Variants in AKAP7 observed in about 807,000 individuals in gnomAD.
The protein encoded by AKAP7 is A kinase (PRKA) anchor protein 7.
AKAP7 carries 39 observed loss-of-function variants against 39.5 expected under a neutral mutation model. That is an observed-to-expected ratio of 0.99 (90% CI 0.76 to 1.29). The LOEUF (loss-of-function observed/expected upper bound fraction) is 1.29. AKAP7 is among the 50% of genes most tolerant of loss of function. The pLI, the probability that AKAP7 is intolerant of heterozygous loss-of-function variation, is 0.00. For synonymous variants in AKAP7, 140 were observed against 139.1 expected, an observed-to-expected ratio of 1.01 and a Z score of -0.05; for missense variants, 414 against 407.7, an observed-to-expected ratio of 1.02 and a Z score of -0.13.
chr6:131,166,516 G>A (rs1416904565), intron 4 of AKAP7, among the ~76,000 whole-genome samples: 1 of 152,196 alleles, frequency 6.6e-6, no homozygotes, highest in Non-Finnish European at 1.5e-5. Flanking sequence ...GATTGAGGGA[G>A]AAGTCTGAAA....
chr6:131,273,395 G>T (rs964497969), intron 7 of AKAP7, among the ~76,000 whole-genome samples: 6 of 151,954 alleles, frequency 3.9e-5, no homozygotes, highest in Non-Finnish European at 1.5e-5. Context: ...TCTGTTCTTT[G>T]CTTCTTTTTC....
At chr6:131,198,655 C>CCAGT (rs1807201062) in intron 5 of AKAP7, among the ~76,000 whole-genome samples, 1 of 152,084 alleles carries the variant, frequency 6.6e-6, no homozygotes, top group South Asian at 2.1e-4. Context: ...GAACAGTATT[C>CCAGT]CTGGGCTCCA....
intron 7 of AKAP7, among the ~76,000 whole-genome samples, chr6:131,248,208 C>T (rs966908399): frequency 2.0e-5 from 3 of 152,142 alleles, no homozygotes; most frequent in African/African-American, 7.2e-5. Context: ...TTCTTCCCCT[C>T]CCCATCAAAT....
chr6:131,207,421 A>G (rs544236395), intron 6 of AKAP7, among the ~76,000 whole-genome samples: 4 of 150,708 alleles, frequency 2.7e-5, no homozygotes, highest in Admixed American at 2.7e-4. Flanking sequence ...CTGGGCTCAA[A>G]TGATCCTCCT....
chr6:131,275,297 T>C (rs1352950200), intron 7 of AKAP7, among the ~76,000 whole-genome samples: 2 of 152,210 alleles, frequency 1.3e-5, no homozygotes, highest in Non-Finnish European at 2.9e-5. Context: ...CAATGCAATG[T>C]ATATATTGTC....
At chr6:131,245,591 G>A (rs9483237) in intron 7 of AKAP7, among the ~76,000 whole-genome samples, 77,563 of 151,818 alleles carry the variant, frequency 0.51, 20,165 homozygotes, top group African/African-American at 0.59. Flanking sequence ...AAATTGGAAT[G>A]TATTCCAAAA....
At chr6:131,200,556 T>A (rs1431595857) in intron 6 of AKAP7, among the ~76,000 whole-genome samples, 2 of 152,152 alleles carry the variant, frequency 1.3e-5, no homozygotes, top group Non-Finnish European at 2.9e-5. Context: ...CTCAGAAAAG[T>A]CTTTTGGGCC....
intron 2 of AKAP7, 58 bp downstream of exon 2, chr6:131,145,474 T>C: frequency 1.7e-6 from 2 of 1,157,500 alleles, no homozygotes; most frequent in Admixed American, 3.0e-5. Context: ...AATTTAGTTA[T>C]ATATATATTT....
intron 2 of AKAP7, among the ~76,000 whole-genome samples, chr6:131,159,354 A>G (rs149719013): frequency 0.012 from 1,760 of 152,276 alleles, 31 homozygotes; most frequent in African/African-American, 0.039. Flanking sequence ...CGGCCTCCCA[A>G]AGTGCTGGGA....
In AKAP7 at chr6:131,256,624, T is replaced by A. The variant is rs79673571; in HGVS notation, c.851-24906T>A. Among the ~76,000 whole-genome samples the A allele has an allele frequency of 7.8e-3, 1,149 of 147,278 alleles. 39 individuals are homozygous for A. In the East Asian group the frequency reaches 0.11, roughly 14 times the overall value. ...CCTGTGTCATCTTCCTGGGGGGCCATGAAAGAAGCAGCAGGACTCTGATAT... is the reference window on the plus strand; with the variant it reads ...CCTGTGTCATCTTCCTGGGGGGCCAAGAAAGAAGCAGCAGGACTCTGATAT... On this transcript the variant is annotated intron_variant, in intron 7 of 7. Coordinates refer to ENST00000431975, the MANE Select transcript of AKAP7 (RefSeq NM_016377.4).
At chr6:131,246,496 G>A (rs1332996496) in intron 7 of AKAP7, among the ~76,000 whole-genome samples, 2 of 152,152 alleles carry the variant, frequency 1.3e-5, no homozygotes, top group African/African-American at 4.8e-5. Flanking sequence ...ATATGCTACT[G>A]AGAAGAGTGT....
chr6:131,136,462 T>C (rs950504733), intron 1 of AKAP7, among the ~76,000 whole-genome samples: 4 of 152,226 alleles, frequency 2.6e-5, no homozygotes, highest in African/African-American at 7.2e-5. Context: ...AAGTGTACTA[T>C]ATAAATAGCA....
intron 7 of AKAP7, among the ~76,000 whole-genome samples, chr6:131,228,235 A>T (rs1185337052): frequency 6.6e-6 from 1 of 152,188 alleles, no homozygotes; most frequent in Non-Finnish European, 1.5e-5. Context: ...GGTGAAAGGC[A>T]TAGCTAGGAA....
chr6:131,173,862 C>G (rs1804319806), intron 5 of AKAP7, among the ~76,000 whole-genome samples: 1 of 152,186 alleles, frequency 6.6e-6, no homozygotes, highest in Non-Finnish European at 1.5e-5. Context: ...AAATAATTCA[C>G]TGGGTGCTTG....
intron 7 of AKAP7, among the ~76,000 whole-genome samples, chr6:131,235,174 T>TG (rs1283066474): frequency 2.0e-5 from 3 of 152,168 alleles, no homozygotes; most frequent in Non-Finnish European, 4.4e-5. Flanking sequence ...TTTTTGTCCT[T>TG]GCGATAGTTT....
chr6:131,255,675 TCTG>T (rs879635212), intron 7 of AKAP7, among the ~76,000 whole-genome samples: 4 of 152,188 alleles, frequency 2.6e-5, no homozygotes, highest in Non-Finnish European at 5.9e-5. Context: ...GAAACCCAGC[TCTG>T]CTATTACATC....
intron 5 of AKAP7, among the ~76,000 whole-genome samples, chr6:131,175,227 G>C (rs1438471760): frequency 6.6e-6 from 1 of 152,102 alleles, no homozygotes. Context: ...GAGTCTTGCT[G>C]TCTTAGGGGT....
chr6:131,194,918 TGTGTGCATCTTTATA>T (rs1472435058), intron 5 of AKAP7, among the ~76,000 whole-genome samples: 2 of 152,144 alleles, frequency 1.3e-5, no homozygotes, highest in African/African-American at 2.4e-5. Context: ...TTTCCCAGTC[TGTGTGCATCTTTATA>T]GGTGAAGTGT....
intron 6 of AKAP7, among the ~76,000 whole-genome samples, chr6:131,202,993 G>C (rs1185427288): frequency 1.3e-5 from 2 of 152,034 alleles, no homozygotes; most frequent in East Asian, 3.9e-4. Flanking sequence ...TTTAGAGATG[G>C]ACCTAGGACC....
Sources: gnomAD v4.1 joint callset for allele counts (sites outside exome capture counted in the v4.1 genomes callset) on GRCh38, gnomAD v4.1.1 for gene constraint, MANE v1.5 for transcripts, NCBI Gene and HGNC (gene_info 2026-07-23, HGNC 2026-07-21) for gene names.